The following APBB2 variants were observed in gnomAD, a reference collection of about 807,000 sequenced individuals.
APBB2 encodes the protein Fe65-like 1.
In APBB2, 38 loss-of-function variants were observed where a neutral mutation model predicts 82.5. The ratio of observed to expected loss-of-function variants is 0.46; its 90% CI spans 0.36 to 0.60. The LOEUF (loss-of-function observed/expected upper bound fraction) is 0.60, where lower values mean the gene tolerates loss of function less well. Ranked by LOEUF, APBB2 falls within the 20% of genes least tolerant of loss-of-function variation. The probability of loss-of-function intolerance (pLI) is 0.00; values close to 1 mark genes in which losing one functional copy is unlikely to be tolerated. For synonymous variants in APBB2, 341 were observed against 368.2 expected (o/e 0.93, Z 0.85); for missense variants, 772 against 972.3 (o/e 0.79, Z 2.74).
intron 10 of APBB2, among the ~76,000 whole-genome samples, chr4:40,898,880 C>CACACACACACACACAGAG (rs148917018): frequency 6.7e-6 from 1 of 149,528 alleles, no homozygotes; most frequent in African/African-American, 2.5e-5. Context: ...CACACACACA[C>CACACACACACACACAGAG]AGAACACTGG....
At chr4:40,851,736 ATATTTTTTT>A (rs1299449734) in intron 12 of APBB2, among the ~76,000 whole-genome samples, 2,502 of 82,802 alleles carry the variant, frequency 0.03, 41 homozygotes, top group Non-Finnish European at 0.037. Context: ...ATATATATAT[ATATTTTTTT>A]TTTTTTTTTT....
intron 6 of APBB2, among the ~76,000 whole-genome samples, chr4:40,947,616 A>G (rs1324215684): frequency 6.6e-6 from 1 of 152,258 alleles, no homozygotes; most frequent in Non-Finnish European, 1.5e-5. Context: ...TGAAATAAAA[A>G]GAGGAGGTTT....
chr4:40,984,883 T>G (rs1197376725), intron 6 of APBB2, among the ~76,000 whole-genome samples: 2 of 152,174 alleles, frequency 1.3e-5, no homozygotes, highest in African/African-American at 4.8e-5. Context: ...GAACACCGTA[T>G]TTAGCATTTA....
intron 6 of APBB2, among the ~76,000 whole-genome samples, chr4:41,010,388 A>C (rs925526692): frequency 6.6e-6 from 1 of 152,212 alleles, no homozygotes; most frequent in Admixed American, 6.5e-5. Context: ...ACATGTAAAA[A>C]AAACTCTAAT....
intron 6 of APBB2, among the ~76,000 whole-genome samples, chr4:41,012,576 T>C (rs1028270962): frequency 3.8e-4 from 58 of 152,320 alleles, no homozygotes; most frequent in African/African-American, 1.2e-3. Flanking sequence ...ACTTTTTTTT[T>C]CTTCTTAAAC....
chr4:40,849,966 C>T (rs1365457826), intron 12 of APBB2, among the ~76,000 whole-genome samples: 3 of 152,118 alleles, frequency 2.0e-5, no homozygotes, highest in Admixed American at 1.3e-4. Flanking sequence ...TCAGGTGATT[C>T]GCCCGCCTCG....
chr4:40,864,478 G>GA (rs963587271), intron 12 of APBB2, among the ~76,000 whole-genome samples: 3 of 151,390 alleles, frequency 2.0e-5, no homozygotes, highest in Non-Finnish European at 4.4e-5. Flanking sequence ...AAAAATTTTG[G>GA]AAAAAAAACA....
At chr4:41,065,298 A>T (rs2153890464) in intron 4 of APBB2, among the ~76,000 whole-genome samples, 1 of 152,300 alleles carries the variant, frequency 6.6e-6, no homozygotes, top group South Asian at 2.1e-4. Flanking sequence ...AAAGAAAAGA[A>T]AAATTTGGAA....
At chr4:41,101,272 G>A (rs1745250917) in intron 2 of APBB2, among the ~76,000 whole-genome samples, 1 of 150,872 alleles carries the variant, frequency 6.6e-6, no homozygotes, top group Admixed American at 6.6e-5. Flanking sequence ...AGACCATCCT[G>A]GCTAACAAGG....
intron 6 of APBB2, among the ~76,000 whole-genome samples, chr4:40,987,018 A>C (rs1800580013): frequency 6.6e-6 from 1 of 152,206 alleles, no homozygotes; most frequent in South Asian, 2.1e-4. Flanking sequence ...ATTTAAAGCA[A>C]AGCCAAAAAT....
intron 5 of APBB2, among the ~76,000 whole-genome samples, chr4:41,018,721 G>C (rs892399334): frequency 3.9e-5 from 6 of 152,180 alleles, no homozygotes. Flanking sequence ...GTGGTGATCA[G>C]AGAAACAGTG....
intron 3 of APBB2, among the ~76,000 whole-genome samples, chr4:41,086,598 T>C (rs564348984): frequency 1.3e-5 from 2 of 152,266 alleles, no homozygotes; most frequent in East Asian, 3.9e-4. Flanking sequence ...AAAAGAGCAT[T>C]TGACAAAATT....
At position 41,155,874 on chromosome 4, in the gene APBB2, A is replaced by T. The variant is rs1400307990; in HGVS notation, c.-416-12732T>A. ...ATCTGTTTAATTGAGAAGCAACTCC[A>T]GCTCTAGCTAGAAATCTATTTAACC... On this transcript the variant is annotated intron_variant, in intron 1 of 17. Transcript: ENST00000508593. Among the ~76,000 whole-genome samples, 31 of 152,246 alleles carry T rather than the reference A, an allele frequency of 2.0e-4. 1 individual carries two copies. Among genetic ancestry groups the T allele is most frequent in the Admixed American group, 2.0e-3 (31 of 15,290 alleles).
chr4:40,881,235 T>C (rs1215653300), intron 12 of APBB2: 1 of 983,936 alleles, frequency 1.0e-6, no homozygotes, highest in Non-Finnish European at 1.2e-6. Flanking sequence ...GGGAGAGAAT[T>C]ATTGTTCCTT....
intron 7 of APBB2, among the ~76,000 whole-genome samples, chr4:40,941,174 G>A (rs1479984905): frequency 6.6e-6 from 1 of 151,424 alleles, no homozygotes; most frequent in South Asian, 2.1e-4. Context: ...TCAGAAAAAA[G>A]CTGAATAAAA....
intron 1 of APBB2, among the ~76,000 whole-genome samples, chr4:41,160,398 C>T (rs1181041974): frequency 6.6e-6 from 1 of 152,174 alleles, no homozygotes; most frequent in African/African-American, 2.4e-5. Context: ...ATTAGATAAA[C>T]CAGACGCAGG....
At chr4:40,867,929 A>G (rs1325355160) in intron 12 of APBB2, among the ~76,000 whole-genome samples, 1 of 150,144 alleles carries the variant, frequency 6.7e-6, no homozygotes, top group Non-Finnish European at 1.5e-5. Context: ...TATATAAACC[A>G]TGTGATCTAA....
At chr4:41,084,049 A>G (rs1009592822) in intron 3 of APBB2, among the ~76,000 whole-genome samples, 3 of 152,122 alleles carry the variant, frequency 2.0e-5, no homozygotes, top group Admixed American at 6.5e-5. Context: ...CAATATAAAA[A>G]TATTTTATTG....
At chr4:40,887,566 GC>G in intron 12 of APBB2, among the ~76,000 whole-genome samples, 1 of 152,234 alleles carries the variant, frequency 6.6e-6, no homozygotes, top group Non-Finnish European at 1.5e-5. Flanking sequence ...GGAATCAAAA[GC>G]AAAGGAAAGT....
Sources: gnomAD v4.1 joint callset for allele counts (sites outside exome capture counted in the v4.1 genomes callset) on GRCh38, gnomAD v4.1.1 for gene constraint, MANE v1.5 for transcripts, NCBI Gene and HGNC (gene_info 2026-07-23, HGNC 2026-07-21) for gene names.